Variants in SNTG1 observed in about 807,000 individuals in gnomAD.
SNTG1 encodes gamma-1-syntrophin.
SNTG1 carries 39 observed loss-of-function variants against 74.7 expected under a neutral mutation model. The observed-to-expected ratio is 0.52, with a 90% CI of 0.40 to 0.68. SNTG1 has a LOEUF of 0.68. Among genes scored for constraint, SNTG1 ranks in the 30% least tolerant of loss-of-function variants. SNTG1 has a pLI of 0.00. For synonymous variants in SNTG1, 254 were observed against 217.1 expected (o/e 1.17, Z -1.49); for missense variants, 685 against 609.5 (o/e 1.12, Z -1.30).
intron 4 of SNTG1, among the ~76,000 whole-genome samples, chr8:50,425,997 A>T (rs1196545252): frequency 6.6e-6 from 1 of 152,194 alleles, no homozygotes; most frequent in Non-Finnish European, 1.5e-5. Context: ...AATGTGCTTT[A>T]TTATTTAGGA....
chr8:50,778,050 G>A (rs547434730), intron 18 of SNTG1, among the ~76,000 whole-genome samples: 9 of 152,146 alleles, frequency 5.9e-5, no homozygotes, highest in East Asian at 1.9e-4. Context: ...TTTTATGGCC[G>A]CATAGTATTC....
chr8:50,355,019 C>T (rs1450671284), intron 2 of SNTG1, among the ~76,000 whole-genome samples: 1 of 152,140 alleles, frequency 6.6e-6, no homozygotes, highest in Non-Finnish European at 1.5e-5. Context: ...AAAGAAAACT[C>T]ACCATCCTTG....
chr8:50,573,275 G>T (rs1425047771), intron 12 of SNTG1, among the ~76,000 whole-genome samples: 1 of 151,972 alleles, frequency 6.6e-6, no homozygotes, highest in Non-Finnish European at 1.5e-5. Context: ...GCTGCTAAAA[G>T]TTAATAAACA....
chr8:50,627,213 T>C (rs900934140), intron 13 of SNTG1, among the ~76,000 whole-genome samples: 9 of 152,232 alleles, frequency 5.9e-5, no homozygotes, highest in Non-Finnish European at 8.8e-5. Context: ...CTGTGATTTT[T>C]TGTAGGTATT....
chr8:49,918,086 C>A (rs1353931254), intron 1 of SNTG1, among the ~76,000 whole-genome samples: 1 of 152,106 alleles, frequency 6.6e-6, no homozygotes, highest in Non-Finnish European at 1.5e-5. Flanking sequence ...GATATTCAGT[C>A]AGATTTTTTC....
At chr8:50,062,407 G>T (rs1043554382) in intron 1 of SNTG1, among the ~76,000 whole-genome samples, 2 of 151,878 alleles carry the variant, frequency 1.3e-5, no homozygotes, top group African/African-American at 2.4e-5. Flanking sequence ...ACTCTTATCA[G>T]TTTTTGCTTC....
intron 13 of SNTG1, among the ~76,000 whole-genome samples, chr8:50,640,943 A>G (rs1272186205): frequency 1.3e-5 from 2 of 152,154 alleles, no homozygotes; most frequent in Non-Finnish European, 2.9e-5. Flanking sequence ...ATTTTAGCGC[A>G]TTCATCTTAT....
intron 11 of SNTG1, among the ~76,000 whole-genome samples, chr8:50,540,804 A>G (rs2094341164): frequency 6.6e-6 from 1 of 151,986 alleles, no homozygotes; most frequent in Admixed American, 6.6e-5. Flanking sequence ...TAAAAAACAG[A>G]TTTCTATTTG....
intron 2 of SNTG1, among the ~76,000 whole-genome samples, chr8:50,373,833 CT>C (rs59405725): frequency 0.031 from 4,669 of 152,194 alleles, 243 homozygotes; most frequent in African/African-American, 0.1. Context: ...GACTCCACAC[CT>C]GTTCGCATGC....
chr8:50,536,785 T>C lies in SNTG1; in HGVS notation c.657T>C (p.Tyr219=), dbSNP rs769781256. The change falls in exon 11 of 19, where the codon TAT becomes TAC. Residue 219 remains tyrosine (Y), a synonymous_variant. Coordinates refer to ENST00000642720, the MANE Select transcript of SNTG1 (RefSeq NM_018967.5). ...TACTTCATTCGCGCTTCTCTCAGTA[T>C]GTGCCCGGCACAGATTTGAGTCGGT... ...IPLLHSRFSQ[Y]VPGTDLSRQN... 1.2e-6 allele frequency: 2 copies of C among 1,613,914 alleles called. No individual in the cohort carries two copies. The highest frequency in any genetic ancestry group is 2.2e-5 in the East Asian group (1 of 44,886).
At chr8:50,460,399 C>G (rs1460080263) in intron 8 of SNTG1, among the ~76,000 whole-genome samples, 1 of 152,014 alleles carries the variant, frequency 6.6e-6, no homozygotes, top group Non-Finnish European at 1.5e-5. Flanking sequence ...TTGTTGGATG[C>G]ATAGTTTGTG....
intron 12 of SNTG1, among the ~76,000 whole-genome samples, chr8:50,589,480 C>G (rs550827599): frequency 6.6e-6 from 1 of 152,062 alleles, no homozygotes; most frequent in African/African-American, 2.4e-5. Context: ...TGCTCAACCA[C>G]TACTTTCTAT....
At chr8:50,670,219 G>T (rs2095273151) in intron 15 of SNTG1, among the ~76,000 whole-genome samples, 1 of 152,122 alleles carries the variant, frequency 6.6e-6, no homozygotes, top group African/African-American at 2.4e-5. Flanking sequence ...AGGAAATAAA[G>T]GGTATTCAAT....
intron 2 of SNTG1, among the ~76,000 whole-genome samples, chr8:50,260,036 A>G (rs1168578580): frequency 6.6e-6 from 1 of 152,166 alleles, no homozygotes; most frequent in Non-Finnish European, 1.5e-5. Context: ...AAAAGATTGG[A>G]GAAAAAATCC....
intron 2 of SNTG1, among the ~76,000 whole-genome samples, chr8:50,253,422 T>TTAAA (rs57078517): frequency 0.88 from 131,003 of 148,952 alleles, 59,047 homozygotes; most frequent in East Asian, 1. Flanking sequence ...AAACTCCGTC[T>TTAAA]TAAATAAATA....
At chr8:50,690,640 C>T (rs190425778) in intron 15 of SNTG1, among the ~76,000 whole-genome samples, 9 of 152,256 alleles carry the variant, frequency 5.9e-5, no homozygotes, top group Non-Finnish European at 1.2e-4. Context: ...TGGTCTTTTG[C>T]ATTTGCTAAG....
chr8:49,978,633 C>A (rs560047716), intron 1 of SNTG1, among the ~76,000 whole-genome samples: 1 of 152,052 alleles, frequency 6.6e-6, no homozygotes, highest in Non-Finnish European at 1.5e-5. Context: ...AATAGTCTAC[C>A]AGAAGTATGA....
intron 13 of SNTG1, among the ~76,000 whole-genome samples, chr8:50,642,265 A>C (rs957231173): frequency 2.0e-5 from 3 of 152,186 alleles, no homozygotes; most frequent in African/African-American, 4.8e-5. Context: ...CAATGTTTCA[A>C]GTCTCTATCA....
chr8:50,669,207 T>TAGAG (rs977520312), intron 15 of SNTG1, among the ~76,000 whole-genome samples: 9 of 144,098 alleles, frequency 6.2e-5, no homozygotes, highest in African/African-American at 2.3e-4. Context: ...CTGAAGGAAA[T>TAGAG]AGAGATTTAA....
Sources: gnomAD v4.1 joint callset for allele counts (sites outside exome capture counted in the v4.1 genomes callset) on GRCh38, gnomAD v4.1.1 for gene constraint, MANE v1.5 for transcripts, NCBI Gene and HGNC (gene_info 2026-07-23, HGNC 2026-07-21) for gene names.